The following EXOC6 variants were observed in gnomAD, a reference collection of about 807,000 sequenced individuals.
EXOC6 encodes SEC15-like 1.
A neutral mutation model predicts 112.5 loss-of-function variants in EXOC6; 60 were observed. The observed-to-expected ratio is 0.53, with a 90% confidence interval of 0.43 to 0.66. EXOC6 has a LOEUF of 0.66. Ranked by LOEUF, EXOC6 falls within the 30% of genes least tolerant of loss-of-function variation. EXOC6 has a pLI of 0.00. For missense variants in EXOC6, 855 were observed against 957.1 expected (o/e 0.89, Z 1.41); for synonymous variants, 295 against 308.0 (o/e 0.96, Z 0.44).
chr10:92,965,177 A>G (rs979351903), intron 17 of EXOC6, among the ~76,000 whole-genome samples: 6 of 152,154 alleles, frequency 3.9e-5, no homozygotes, highest in East Asian at 3.9e-4. Flanking sequence ...AGTAAATCGT[A>G]TATGTTTACT....
intron 20 of EXOC6, among the ~76,000 whole-genome samples, chr10:93,035,986 C>T (rs1590082662): frequency 6.6e-6 from 1 of 152,052 alleles, no homozygotes; most frequent in African/African-American, 2.4e-5. Context: ...TTTGGGAGGC[C>T]GAGGCGGGCA....
At chr10:92,966,997 G>T (rs1461086495) in intron 17 of EXOC6, among the ~76,000 whole-genome samples, 1 of 143,982 alleles carries the variant, frequency 6.9e-6, no homozygotes, top group Non-Finnish European at 1.5e-5. Flanking sequence ...GGTGTGAGAT[G>T]GTATCTCATT....
At chr10:93,045,486 G>T (rs1845967757) in intron 20 of EXOC6, among the ~76,000 whole-genome samples, 1 of 152,144 alleles carries the variant, frequency 6.6e-6, no homozygotes, top group Admixed American at 6.5e-5. Context: ...GCCTGGTCTG[G>T]CTTCCTTCAT....
chr10:92,992,244 T>G (rs1053209155), intron 18 of EXOC6, among the ~76,000 whole-genome samples: 5 of 141,530 alleles, frequency 3.5e-5, no homozygotes, highest in African/African-American at 1.3e-4. Context: ...GCCGAGATCC[T>G]TCCATTGCTC....
intron 6 of EXOC6, among the ~76,000 whole-genome samples, chr10:92,914,855 A>G (rs1329201179): frequency 6.7e-6 from 1 of 148,500 alleles, no homozygotes; most frequent in African/African-American, 2.4e-5. Context: ...ATCAAAACAG[A>G]GAGAATGTCT....
At chr10:93,045,089 T>G (rs1049720192) in intron 20 of EXOC6, among the ~76,000 whole-genome samples, 8 of 152,208 alleles carry the variant, frequency 5.3e-5, no homozygotes, top group Admixed American at 5.2e-4. Flanking sequence ...GCCAGGCTAA[T>G]TTCAAACTTC....
intron 8 of EXOC6, among the ~76,000 whole-genome samples, chr10:92,924,977 AG>A (rs1281390316): frequency 6.6e-6 from 1 of 152,168 alleles, no homozygotes; most frequent in African/African-American, 2.4e-5. Flanking sequence ...AGTTCCATCC[AG>A]GTTGCTCCAA....
At chr10:93,009,742 G>A (rs1844154949) in intron 19 of EXOC6, among the ~76,000 whole-genome samples, 2 of 152,196 alleles carry the variant, frequency 1.3e-5, no homozygotes, top group South Asian at 4.1e-4. Flanking sequence ...AGTGGTATAT[G>A]CATGGAAGTA....
chr10:92,980,458 C>T (rs559668032), intron 18 of EXOC6, among the ~76,000 whole-genome samples: 17 of 151,560 alleles, frequency 1.1e-4, no homozygotes, highest in Non-Finnish European at 2.4e-4. Context: ...AGTTTTAAAA[C>T]TATAGTATTA....
chr10:92,975,807 GC>G (rs1842552984), intron 18 of EXOC6, among the ~76,000 whole-genome samples: 1 of 14,898 alleles, frequency 6.7e-5, no homozygotes. Flanking sequence ...GTCAGCCCCC[GC>G]GCCCGGCCAG....
At chr10:93,021,857 C>T (rs1844810001) in intron 20 of EXOC6, among the ~76,000 whole-genome samples, 1 of 152,096 alleles carries the variant, frequency 6.6e-6, no homozygotes, top group Non-Finnish European at 1.5e-5. Flanking sequence ...GTGATATTTT[C>T]TCAGTTGTAT....
intron 19 of EXOC6, among the ~76,000 whole-genome samples, chr10:93,004,088 C>T (rs1843874572): frequency 6.6e-6 from 1 of 152,140 alleles, no homozygotes; most frequent in Admixed American, 6.6e-5. Flanking sequence ...TGTTAAAAGG[C>T]TGTTGAACTT....
chr10:92,843,014 C>T (rs1183940668), intron 1 of EXOC6, among the ~76,000 whole-genome samples: 1 of 152,182 alleles, frequency 6.6e-6, no homozygotes, highest in Non-Finnish European at 1.5e-5. Flanking sequence ...GAACATGGTA[C>T]ACAGCAAACA....
intron 9 of EXOC6, among the ~76,000 whole-genome samples, chr10:92,933,044 CAG>C (rs1852137927): frequency 6.6e-6 from 1 of 152,008 alleles, no homozygotes; most frequent in Non-Finnish European, 1.5e-5. Flanking sequence ...GGAATAGAAA[CAG>C]GGTATATATA....
intron 19 of EXOC6, among the ~76,000 whole-genome samples, chr10:93,008,461 G>A (rs1175608851): frequency 6.6e-6 from 1 of 152,070 alleles, no homozygotes; most frequent in African/African-American, 2.4e-5. Context: ...GGGGGAAGTG[G>A]GCATTATTGT....
At chr10:92,982,156 A>T (rs1378081543) in intron 18 of EXOC6, among the ~76,000 whole-genome samples, 1 of 152,170 alleles carries the variant, frequency 6.6e-6, no homozygotes, top group Non-Finnish European at 1.5e-5. Context: ...ATCTTTAGTA[A>T]TAATATGAAT....
intron 1 of EXOC6, among the ~76,000 whole-genome samples, chr10:92,867,922 T>C (rs1848259021): frequency 6.6e-6 from 1 of 152,288 alleles, no homozygotes; most frequent in East Asian, 1.9e-4. Flanking sequence ...CAAAAGACAG[T>C]GAAAGGCACA....
chr10:92,929,489 C>T (rs572500565), intron 9 of EXOC6, among the ~76,000 whole-genome samples: 55 of 152,156 alleles, frequency 3.6e-4, no homozygotes, highest in South Asian at 1.9e-3. Context: ...AATTACCAAA[C>T]GAGTGAGAAT....
rs148614423 is a variant in EXOC6, at chr10:93,052,994, A to G, written c.2170-3930A>G. 6.6e-5 allele frequency among the ~76,000 whole-genome samples: 10 copies of G among 152,344 alleles called. No individual in the cohort carries two copies. The East Asian group carries it at 1.9e-3, about 29-fold the overall frequency. ...ATATTATTTGTGCATTGCCATCTGA[A>G]GGAAGCAAAACTTAAGTAGAGAAGT... On this transcript the variant is annotated intron_variant, in intron 20 of 21. Coordinates refer to ENST00000260762, the MANE Select transcript of EXOC6 (RefSeq NM_019053.6).
Sources: allele counts gnomAD v4.1 joint callset (sites outside exome capture counted in the v4.1 genomes callset), GRCh38; gene constraint gnomAD v4.1.1; transcripts MANE v1.5; gene names NCBI Gene and HGNC (gene_info 2026-07-23, HGNC 2026-07-21).